GET1: variants seen among roughly 807,000 people sequenced by gnomAD.
GET1 encodes the protein congenital heart disease 5 protein.
GET1 carries 20 observed loss-of-function variants against 22.6 expected under a neutral mutation model. That is an observed-to-expected ratio of 0.89 (90% CI 0.62 to 1.29). The LOEUF is 1.29. Ranked by LOEUF, GET1 falls within the 50% of genes most tolerant of loss-of-function variation. The pLI is 0.00. For missense variants in GET1, 209 were observed against 219.9 expected, an observed-to-expected ratio of 0.95 and a Z score of 0.31; for synonymous variants, 92 against 83.8, an observed-to-expected ratio of 1.10 and a Z score of -0.53.
At chr21:39,392,745 C>T (rs1045509762) in intron 3 of GET1, among the ~76,000 whole-genome samples, 7 of 152,184 alleles carry the variant, frequency 4.6e-5, no homozygotes, top group African/African-American at 1.7e-4. Flanking sequence ...TGGCTTTCGT[C>T]ACTAATAAGG....
Position 39,393,258 on chromosome 21 carries a change from A to C in GET1, c.429A>C (p.Val143=). ...GGATAACCCCTCTAGACCGCCTGGTAGCCTTTCCTACTAGAGTAGCAGGTA... is the reference window on the plus strand; with the variant it reads ...GGATAACCCCTCTAGACCGCCTGGTCGCCTTTCCTACTAGAGTAGCAGGTA... ...SKWITPLDRL[V]AFPTRVAGGV... The change falls in exon 4 of 5, where the codon GTA becomes GTC. Residue 143 remains valine, a synonymous_variant. Transcript: ENST00000649170. 6.2e-7 allele frequency: 1 copy of C among 1,614,156 alleles called. No individual in the cohort carries two copies. The highest frequency in any genetic ancestry group is 1.1e-5 in the South Asian group (1 of 91,082).
chr21:39,411,384 A>G (rs2040061926), downstream of GET1, among the ~76,000 whole-genome samples: 1 of 152,198 alleles, frequency 6.6e-6, no homozygotes, highest in African/African-American at 2.4e-5. Flanking sequence ...ATACCCCAAT[A>G]AAGTTCATTT....
chr21:39,405,640 A>C (rs760134903), intron 4 of GET1, among the ~76,000 whole-genome samples: 7 of 152,238 alleles, frequency 4.6e-5, no homozygotes, highest in Non-Finnish European at 1.0e-4. Context: ...CCAGTCTTCC[A>C]GAAGATAATG....
chr21:39,423,462 C>T, intron 1 of GET1: 1 of 1,566,314 alleles, frequency 6.4e-7, no homozygotes, highest in Non-Finnish European at 8.6e-7. Context: ...TCCAGGTGTG[C>T]TTTTTTTCAA....
In GET1 at chr21:39,397,109, G is replaced by C; in HGVS notation, c.*170G>C. 1 of 681,292 alleles carries C rather than the reference G, an allele frequency of 1.5e-6. No individual in the cohort carries two copies. The highest frequency in any genetic ancestry group is 2.4e-6 in the Non-Finnish European group (1 of 412,438). The allele number at this position is 681,292 out of a possible 1,614,324, so 42.2% of individuals were successfully genotyped here. On this transcript the variant is annotated 3_prime_UTR_variant, in exon 5 of 5. Transcript: ENST00000649170. ...TATGAGAGAGTCTTATAAGAATCAC[G>C]ATTTTCTACACCTGTCATTGAGCCA...
intron 1 of GET1, chr21:39,420,758 G>C: frequency 1.9e-6 from 3 of 1,613,542 alleles, no homozygotes; most frequent in Non-Finnish European, 2.5e-6. Flanking sequence ...CTTGGTAGCT[G>C]TCTGAGCTGC....
At chr21:39,402,817 A>C (rs1044797326), downstream of GET1, among the ~76,000 whole-genome samples, 1 of 149,556 alleles carries the variant, frequency 6.7e-6, no homozygotes, top group African/African-American at 2.5e-5. Flanking sequence ...CAGAGTAGAA[A>C]ACACTAAAAG....
At chr21:39,420,641 C>A in intron 1 of GET1, 1 of 1,356,744 alleles carries the variant, frequency 7.4e-7, no homozygotes, top group Non-Finnish European at 1.0e-6. Context: ...ATATAATAGA[C>A]ATAAATAGCT....
At chr21:39,418,256 A>G (rs111828083) in intron 1 of GET1, among the ~76,000 whole-genome samples, 9 of 152,282 alleles carry the variant, frequency 5.9e-5, no homozygotes, top group African/African-American at 1.9e-4. Context: ...TATCAAGGAT[A>G]TTACAGTTTC....
At chr21:39,387,696 C>T (rs925340375) in intron 1 of GET1, 3 of 750,484 alleles carry the variant, frequency 4.0e-6, no homozygotes, top group Non-Finnish European at 4.9e-6. Context: ...CACACTCCCC[C>T]CCCCCACTTT....
chr21:39,420,383 C>T (rs559728366), intron 1 of GET1, among the ~76,000 whole-genome samples: 7 of 151,902 alleles, frequency 4.6e-5, no homozygotes, highest in Admixed American at 2.6e-4. Flanking sequence ...ATTAGCCAAG[C>T]GTGGTGTTGC....
At position 39,406,393 on chromosome 21, in the gene GET1, C is replaced by A. The variant is rs201717530; in HGVS notation, c.*409C>A. 4.3e-6 allele frequency: 7 copies of A among 1,613,470 alleles called. No individual in the cohort carries two copies. The Admixed American group carries it at 1.2e-4, about 27-fold the overall frequency. On this transcript the variant is annotated 3_prime_UTR_variant, in exon 5 of 5. Transcript: ENST00000415847. Reference sequence around the variant, plus strand: ...GCCTTTGCCAAGTGTGTCATCCACACCATTTCTCTGCATGCTTCTTTTAAA... The same window carrying A: ...GCCTTTGCCAAGTGTGTCATCCACAACATTTCTCTGCATGCTTCTTTTAAA...
chr21:39,390,859 C>T lies in GET1; in HGVS notation c.264C>T (p.Thr88=), dbSNP rs1345205898. Residue 88 remains threonine (T), a synonymous_variant, in exon 2 of 5, where the codon ACC becomes ACT. Coordinates refer to ENST00000649170, the MANE Select transcript of GET1 (RefSeq NM_004627.6). ...ACAAGATGACGGATAAGCTCAAAAC[C>T]CATGGTACTGTGTCCCTTGCAGCCT... is the stretch of plus-strand genomic sequence containing the variant. ...KINKMTDKLK[T]HVKARTAQLA... is the part of the protein sequence containing the mutation. 2 of 1,614,078 alleles carry T rather than the reference C, an allele frequency of 1.2e-6. No homozygotes were observed. The highest frequency in any genetic ancestry group is 1.7e-5 in the Admixed American group (1 of 60,002).
chr21:39,414,704 G>C (rs2040733060), intron 1 of GET1, among the ~76,000 whole-genome samples: 1 of 142,364 alleles, frequency 7.0e-6, no homozygotes. Context: ...GCATCTGTCT[G>C]GTTCTCTCCC....
downstream of GET1, among the ~76,000 whole-genome samples, chr21:39,399,731 G>A (rs1569046680): frequency 1.3e-5 from 2 of 151,990 alleles, no homozygotes; most frequent in Non-Finnish European, 2.9e-5. Context: ...GAGCCACCAC[G>A]CCCAGTGGGT....
Position 39,380,374 on chromosome 21 carries a change from G to T in GET1, c.-11G>T. On this transcript the variant is annotated 5_prime_UTR_variant, in exon 1 of 5. Transcript: ENST00000649170. ...GCCGTAGCGGACCCAGCACAGCCAGGAGCGTCCGGGATGAGCTCAGCCGCG... is the reference window on the plus strand; with the variant it reads ...GCCGTAGCGGACCCAGCACAGCCAGTAGCGTCCGGGATGAGCTCAGCCGCG... The T allele has an allele frequency of 6.3e-7, 1 of 1,593,536 alleles. No individual in the cohort carries two copies. The highest frequency in any genetic ancestry group is 8.6e-7 in the Non-Finnish European group (1 of 1,168,578).
chr21:39,398,041 C>T (rs189893601), downstream of GET1, among the ~76,000 whole-genome samples: 11 of 152,270 alleles, frequency 7.2e-5, no homozygotes, highest in African/African-American at 2.6e-4. Context: ...CTTTTGGGTT[C>T]CACTTACTCA....
At position 39,425,787 on chromosome 21, in the gene GET1, A is replaced by AGG. The variant is rs549925002; in HGVS notation, c.*24-2443_*24-2442dup. Reference sequence around the variant, plus strand: ...CTTAGGTGCTCTGACCCTGGAGGAGAGGGATTTCACTGAGATGAGAAGGAT... The same window carrying AGG: ...CTTAGGTGCTCTGACCCTGGAGGAGAGGGGGATTTCACTGAGATGAGAAGGAT... On this transcript the variant is annotated intron_variant, in intron 1 of 1. Coordinates refer to the GET1 transcript ENST00000478273. 1,057 of 152,380 alleles carry AGG rather than the reference A, an allele frequency of 6.9e-3. 5 individuals carry two copies. The highest frequency in any genetic ancestry group is 0.017 in the Middle Eastern group (5 of 296). The allele number at this position is 152,380 out of a possible 1,614,324, so 9.4% of individuals were successfully genotyped here. A position where few individuals can be genotyped will look rare whatever the true frequency, so the allele number is the denominator to read the frequency against.
intron 1 of GET1, chr21:39,387,744 G>T (rs887518197): frequency 4.1e-6 from 4 of 985,022 alleles, no homozygotes; most frequent in South Asian, 9.4e-5. Flanking sequence ...GGCATCACTG[G>T]GCGGGTCAGA....
Sources: allele counts gnomAD v4.1 joint callset (sites outside exome capture counted in the v4.1 genomes callset), GRCh38; gene constraint gnomAD v4.1.1; transcripts MANE v1.5; gene names NCBI Gene and HGNC (gene_info 2026-07-23, HGNC 2026-07-21).